Variants in CWC27 observed in about 807,000 individuals in gnomAD.
CWC27 encodes spliceosome-associated protein CWC27 homolog.
Under a neutral mutation model 63.6 loss-of-function variants are expected in CWC27, and 47 were observed. The observed-to-expected ratio is 0.74, with a 90% CI of 0.58 to 0.94. The LOEUF (loss-of-function observed/expected upper bound fraction) is 0.94, where lower values mean the gene tolerates loss of function less well. Among genes scored for constraint, CWC27 ranks in the 40% least tolerant of loss-of-function variants. The pLI is 0.00. For missense variants in CWC27, 495 were observed against 554.3 expected (o/e 0.89, Z 1.07); for synonymous variants, 175 against 179.8 (o/e 0.97, Z 0.22).
chr5:64,789,562 A>G (rs1482259651), intron 7 of CWC27, among the ~76,000 whole-genome samples: 3 of 152,120 alleles, frequency 2.0e-5, no homozygotes, highest in Non-Finnish European at 2.9e-5. Flanking sequence ...AGGTCTTTGT[A>G]ACTATTAAAT....
chr5:64,913,282 T>A (rs1161613457), intron 11 of CWC27, among the ~76,000 whole-genome samples: 1 of 152,108 alleles, frequency 6.6e-6, no homozygotes, highest in Admixed American at 6.5e-5. Flanking sequence ...GCAAGTATTA[T>A]ACTTAATGGT....
chr5:64,883,405 T>C (rs936977775), intron 10 of CWC27, among the ~76,000 whole-genome samples: 2 of 152,146 alleles, frequency 1.3e-5, no homozygotes, highest in African/African-American at 4.8e-5. Flanking sequence ...AAATAACCTA[T>C]ATAGGAGTGA....
chr5:64,934,776 C>T (rs1050457838), intron 11 of CWC27, among the ~76,000 whole-genome samples: 2 of 152,186 alleles, frequency 1.3e-5, no homozygotes, highest in African/African-American at 4.8e-5. Flanking sequence ...TGTTTCCTGA[C>T]TTTTTAATCA....
intron 13 of CWC27, among the ~76,000 whole-genome samples, chr5:65,004,592 A>G (rs1749794352): frequency 6.7e-6 from 1 of 150,046 alleles, no homozygotes; most frequent in South Asian, 2.1e-4. Context: ...CAGATCATGA[A>G]TTTGTTTTCT....
chr5:64,941,413 C>CAAGTA (rs1340714477), intron 11 of CWC27, among the ~76,000 whole-genome samples: 11 of 152,092 alleles, frequency 7.2e-5, no homozygotes, highest in Admixed American at 7.2e-4. Flanking sequence ...AGTGAGAATA[C>CAAGTA]TTGCTTCTTT....
chr5:64,941,350 G>T (rs1450107591), intron 11 of CWC27, among the ~76,000 whole-genome samples: 1 of 152,122 alleles, frequency 6.6e-6, no homozygotes, highest in Non-Finnish European at 1.5e-5. Flanking sequence ...GTACCATACT[G>T]CAGGGCACAT....
At chr5:64,979,320 G>A (rs1749289189) in intron 13 of CWC27, among the ~76,000 whole-genome samples, 1 of 152,174 alleles carries the variant, frequency 6.6e-6, no homozygotes, top group African/African-American at 2.4e-5. Flanking sequence ...AGTCAGAGCT[G>A]TACACTATGA....
intron 11 of CWC27, among the ~76,000 whole-genome samples, chr5:64,899,428 T>C (rs1188885909): frequency 2.6e-5 from 4 of 152,182 alleles, no homozygotes; most frequent in Non-Finnish European, 4.4e-5. Context: ...GAAACTGGCT[T>C]TTGCTTAAGT....
At chr5:64,932,932 A>G (rs998135882) in intron 11 of CWC27, among the ~76,000 whole-genome samples, 8 of 152,194 alleles carry the variant, frequency 5.3e-5, no homozygotes, top group Non-Finnish European at 1.2e-4. Flanking sequence ...TCTTCTTAAT[A>G]TAGTTATTTT....
At chr5:64,835,458 T>TTATA (rs1211668917) in intron 10 of CWC27, among the ~76,000 whole-genome samples, 4 of 151,776 alleles carry the variant, frequency 2.6e-5, no homozygotes, top group Admixed American at 2.0e-4. Context: ...GCAAAGATAA[T>TTATA]TATATATTTT....
chr5:64,788,844 T>A (rs1241224503), intron 6 of CWC27, 107 bp from the exon 7 acceptor site: 14 of 691,070 alleles, frequency 2.0e-5, no homozygotes, highest in African/African-American at 3.6e-5. Context: ...ACAGTCAGAA[T>A]GTATTTCTTC....
chr5:64,939,879 G>A (rs780092746), intron 11 of CWC27, among the ~76,000 whole-genome samples: 3 of 152,176 alleles, frequency 2.0e-5, no homozygotes, highest in African/African-American at 7.2e-5. Context: ...ACTGGGCTCC[G>A]CCCAGTACTA....
chr5:64,820,345 T>C (rs1012276817), intron 10 of CWC27, among the ~76,000 whole-genome samples: 1 of 152,230 alleles, frequency 6.6e-6, no homozygotes, highest in African/African-American at 2.4e-5. Flanking sequence ...TATTGTGCTA[T>C]TGTACAACAG....
At chr5:64,777,672 AG>A (rs1212950714) in intron 2 of CWC27, among the ~76,000 whole-genome samples, 1 of 152,118 alleles carries the variant, frequency 6.6e-6, no homozygotes, top group Non-Finnish European at 1.5e-5. Flanking sequence ...GAGAACATTC[AG>A]GAGGATATTA....
intron 10 of CWC27, 120 bp downstream of exon 10, chr5:64,804,506 A>T (rs141258299): frequency 1.2e-5 from 13 of 1,093,090 alleles, no homozygotes; most frequent in African/African-American, 1.6e-5. Flanking sequence ...TTTGATAAAC[A>T]TAACAGTTGT....
At chr5:65,009,092 C>T (rs1749900300) in intron 13 of CWC27, among the ~76,000 whole-genome samples, 1 of 152,134 alleles carries the variant, frequency 6.6e-6, no homozygotes, top group Admixed American at 6.5e-5. Context: ...GGGCCTCAGG[C>T]TGCTTCCACT....
chr5:64,801,539 A>C (rs1486337841), intron 9 of CWC27, among the ~76,000 whole-genome samples: 3 of 151,938 alleles, frequency 2.0e-5, no homozygotes, highest in Admixed American at 6.6e-5. Context: ...GTGTGTGTAT[A>C]TCTCTCTACA....
At chr5:64,967,336 A>G (rs1331445865) in intron 11 of CWC27, among the ~76,000 whole-genome samples, 1 of 152,062 alleles carries the variant, frequency 6.6e-6, no homozygotes, top group Non-Finnish European at 1.5e-5. Flanking sequence ...CACTATTGTT[A>G]AGATTGCAGT....
intron 11 of CWC27, among the ~76,000 whole-genome samples, chr5:64,920,166 A>ACCATGTTG (rs1466509544): frequency 2.0e-5 from 3 of 152,012 alleles, no homozygotes; most frequent in Non-Finnish European, 4.4e-5. Context: ...ACAGGGTTTC[A>ACCATGTTG]CCATGTTGGC....
Sources: gnomAD v4.1 joint callset for allele counts (sites outside exome capture counted in the v4.1 genomes callset) on GRCh38, gnomAD v4.1.1 for gene constraint, MANE v1.5 for transcripts, NCBI Gene and HGNC (gene_info 2026-07-23, HGNC 2026-07-21) for gene names.